Variants in AKAP7 observed in about 807,000 individuals in gnomAD.
The protein encoded by AKAP7 is A kinase (PRKA) anchor protein 7.
AKAP7 carries 39 observed loss-of-function variants against 39.5 expected under a neutral mutation model. The ratio of observed to expected loss-of-function variants is 0.99; its 90% CI spans 0.76 to 1.29. The LOEUF is 1.29. Ranked by LOEUF, AKAP7 falls within the 50% of genes most tolerant of loss-of-function variation. The pLI is 0.00. For missense variants in AKAP7, 414 were observed against 407.7 expected, an observed-to-expected ratio of 1.02 and a Z score of -0.13; for synonymous variants, 140 against 139.1, an observed-to-expected ratio of 1.01 and a Z score of -0.05.
chr6:131,203,368 G>A (rs536648020), intron 6 of AKAP7, among the ~76,000 whole-genome samples: 6 of 152,110 alleles, frequency 3.9e-5, no homozygotes, highest in Admixed American at 6.6e-5. Context: ...ATTAAATAAA[G>A]ATGATCGTGG....
chr6:131,233,338 TCACTGC>T (rs1810786904), intron 7 of AKAP7, among the ~76,000 whole-genome samples: 2 of 152,170 alleles, frequency 1.3e-5, no homozygotes, highest in South Asian at 4.1e-4. Flanking sequence ...ATTCTAATGG[TCACTGC>T]CACTTCCCAG....
chr6:131,272,201 C>T (rs991391928), intron 7 of AKAP7, among the ~76,000 whole-genome samples: 4 of 152,114 alleles, frequency 2.6e-5, no homozygotes, highest in Admixed American at 6.6e-5. Flanking sequence ...TTTGTATAAT[C>T]GATAGTGATG....
At chr6:131,149,584 G>A (rs368562325) in intron 2 of AKAP7, among the ~76,000 whole-genome samples, 25 of 152,306 alleles carry the variant, frequency 1.6e-4, no homozygotes, top group African/African-American at 5.1e-4. Context: ...GCAGTGAGCC[G>A]AGATTGCGCC....
chr6:131,211,669 A>G (rs1295786334), intron 6 of AKAP7, among the ~76,000 whole-genome samples: 1 of 146,454 alleles, frequency 6.8e-6, no homozygotes, highest in Non-Finnish European at 1.5e-5. Context: ...GCTGCTTGGG[A>G]GGCTGAGGCA....
chr6:131,265,110 A>G (rs903711899), intron 7 of AKAP7, among the ~76,000 whole-genome samples: 1 of 152,150 alleles, frequency 6.6e-6, no homozygotes, highest in Non-Finnish European at 1.5e-5. Flanking sequence ...CTATAGGCCA[A>G]TCATGATGCT....
At chr6:131,196,923 T>C in intron 5 of AKAP7, among the ~76,000 whole-genome samples, 1 of 152,234 alleles carries the variant, frequency 6.6e-6, no homozygotes, top group South Asian at 2.1e-4. Flanking sequence ...TAATATATGC[T>C]CATTTTAACA....
At chr6:131,126,442 T>C in the AKAP7 span, among the ~76,000 whole-genome samples, 1 of 152,214 alleles carries the variant, frequency 6.6e-6, no homozygotes, top group Non-Finnish European at 1.5e-5. Flanking sequence ...ATTAGATTTA[T>C]GAGCAGGCAA....
chr6:131,127,051 T>C, the AKAP7 span, among the ~76,000 whole-genome samples: 2 of 151,892 alleles, frequency 1.3e-5, no homozygotes, highest in East Asian at 3.9e-4. Context: ...CTTTGTTTTT[T>C]TTTTGTTTTT....
At chr6:131,239,652 T>A (rs1811362952) in intron 7 of AKAP7, among the ~76,000 whole-genome samples, 2 of 152,210 alleles carry the variant, frequency 1.3e-5, no homozygotes, top group African/African-American at 4.8e-5. Flanking sequence ...TTCATTTCAT[T>A]CATTTGATCT....
Position 131,266,726 on chromosome 6 carries a change from C to G in AKAP7, c.851-14804C>G, listed in dbSNP as rs566745841. 4.0e-5 allele frequency among the ~76,000 whole-genome samples: 6 copies of G among 151,730 alleles called. No individual in the cohort carries two copies. The South Asian group carries it at 8.3e-4, about 21-fold the overall frequency. ...TGTTGTTGTTTTTTAACGGTGTGCT[C>G]TGTCTCTCTGTTCATTTTTATGATA... On this transcript the variant is annotated intron_variant, in intron 7 of 7. Coordinates refer to ENST00000431975, the MANE Select transcript of AKAP7 (RefSeq NM_016377.4).
intron 6 of AKAP7, among the ~76,000 whole-genome samples, chr6:131,215,232 G>C (rs1441309355): frequency 6.6e-6 from 1 of 152,182 alleles, no homozygotes; most frequent in Non-Finnish European, 1.5e-5. Context: ...TGGGGTGTCA[G>C]GGCCTCAGCA....
chr6:131,250,270 A>T lies in AKAP7; in HGVS notation c.850+30462A>T, dbSNP rs191716755. ...GAACACATGGCACTGACCTATGGCC[A>T]GGGACTCACAGTTTTGTGAGAATAC... is the stretch of plus-strand genomic sequence containing the variant. On this transcript the variant is annotated intron_variant, in intron 7 of 7. Coordinates refer to ENST00000431975, the MANE Select transcript of AKAP7 (RefSeq NM_016377.4). The T allele has an allele frequency of 3.3e-5, 39 of 1,188,920 alleles. No individual in the cohort carries two copies. In the East Asian group the frequency reaches 1.6e-3, roughly 49 times the overall value. The allele number at this position is 1,188,920 out of a possible 1,614,324, so 73.6% of individuals were successfully genotyped here.
At chr6:131,160,309 T>C in intron 3 of AKAP7, 111 bp downstream of exon 3, 1 of 1,075,690 alleles carries the variant, frequency 9.3e-7, no homozygotes. Flanking sequence ...TTTGGTGGCA[T>C]TTTAGCAGGA....
At position 131,169,216 on chromosome 6, in the gene AKAP7, G is replaced by T; in HGVS notation, c.532G>T (p.Val178Phe). ...FQGIGTFGNQ[V>F]GFVKLAEGDH... ...AGGGATTGGTACTTTTGGAAATCAG[G>T]TTGGATTTGTGAAGCTGGCAGAAGG... Residue 178 changes from valine to phenylalanine, a missense_variant, in exon 5 of 8, where the codon GTT becomes TTT. Coordinates refer to ENST00000431975, the MANE Select transcript of AKAP7 (RefSeq NM_016377.4). The T allele has an allele frequency of 1.2e-6, 2 of 1,614,116 alleles. No individual in the cohort carries two copies. Among genetic ancestry groups the T allele is most frequent in the Non-Finnish European group, 1.7e-6 (2 of 1,179,990 alleles).
At chr6:131,219,508 A>G (rs1809514077) in intron 6 of AKAP7, among the ~76,000 whole-genome samples, 153 bp from the exon 7 acceptor site, 1 of 152,110 alleles carries the variant, frequency 6.6e-6, no homozygotes, top group Admixed American at 6.5e-5. Context: ...CAACTTCACA[A>G]CAATTTTATT....
Position 131,160,213 on chromosome 6 carries a change from A to G in AKAP7, c.291+15A>G, listed in dbSNP as rs893557972. The G allele has an allele frequency of 6.3e-7, 1 of 1,594,604 alleles. No homozygotes were observed. Among genetic ancestry groups the G allele is most frequent in the Admixed American group, 1.9e-5 (1 of 53,590 alleles). ...CCAACAAAGAGGTGCTATTTTTAAA[A>G]AGTTATTTTTACTGTGAAATTTTAT... On this transcript the variant is annotated intron_variant, in intron 3 of 7. Coordinates refer to ENST00000431975, the MANE Select transcript of AKAP7 (RefSeq NM_016377.4).
chr6:131,128,517 T>C, the AKAP7 span, among the ~76,000 whole-genome samples: 1 of 152,182 alleles, frequency 6.6e-6, no homozygotes, highest in Non-Finnish European at 1.5e-5. Context: ...CTTCTGGGAA[T>C]TTATTTTAAA....
chr6:131,212,081 A>G (rs1271014823), intron 6 of AKAP7, among the ~76,000 whole-genome samples: 1 of 152,168 alleles, frequency 6.6e-6, no homozygotes, highest in Admixed American at 6.6e-5. Context: ...GTGAAAAAAC[A>G]ATGGTTGTGT....
chr6:131,230,963 A>G (rs1810576931), intron 7 of AKAP7, among the ~76,000 whole-genome samples: 1 of 152,168 alleles, frequency 6.6e-6, no homozygotes, highest in Non-Finnish European at 1.5e-5. Context: ...GGGTGTTGCC[A>G]GTCATTTTGA....
Sources: gnomAD v4.1 joint callset for allele counts (sites outside exome capture counted in the v4.1 genomes callset) on GRCh38, gnomAD v4.1.1 for gene constraint, MANE v1.5 for transcripts, NCBI Gene and HGNC (gene_info 2026-07-23, HGNC 2026-07-21) for gene names.